KCNT2: variants seen among roughly 807,000 people sequenced by gnomAD.
KCNT2 encodes the protein potassium sodium-activated channel subfamily T member 2, also known as potassium channel subfamily T member 2.
KCNT2 carries 67 observed loss-of-function variants against 153.8 expected under a neutral mutation model. The ratio of observed to expected loss-of-function variants is 0.44; its 90% confidence interval spans 0.36 to 0.53. The LOEUF (loss-of-function observed/expected upper bound fraction) is 0.53, where lower values mean the gene tolerates loss of function less well. Ranked by LOEUF, KCNT2 falls within the 20% of genes least tolerant of loss-of-function variation. The pLI is 0.00. For missense variants in KCNT2, 975 were observed against 1,354.8 expected, an observed-to-expected ratio of 0.72 and a Z score of 4.40; for synonymous variants, 500 against 458.8, an observed-to-expected ratio of 1.09 and a Z score of -1.15.
intron 8 of KCNT2, among the ~76,000 whole-genome samples, chr1:196,461,923 T>C (rs1484577436): frequency 6.6e-6 from 1 of 151,676 alleles, no homozygotes; most frequent in Non-Finnish European, 1.5e-5. Context: ...TAAAAAACCA[T>C]GTAACAGCTT....
chr1:196,543,164 A>C (rs1297822455), intron 1 of KCNT2, among the ~76,000 whole-genome samples: 1 of 152,158 alleles, frequency 6.6e-6, no homozygotes, highest in Non-Finnish European at 1.5e-5. Flanking sequence ...AATTTACTAG[A>C]GTTAAGCTTT....
intron 5 of KCNT2, among the ~76,000 whole-genome samples, chr1:196,476,900 T>C (rs1056212469): frequency 6.6e-6 from 1 of 152,126 alleles, no homozygotes; most frequent in Admixed American, 6.5e-5. Flanking sequence ...TTGTATTCCA[T>C]TATAACTGAC....
chr1:196,290,270 A>T (rs1660066025), intron 22 of KCNT2, among the ~76,000 whole-genome samples: 1 of 151,994 alleles, frequency 6.6e-6, no homozygotes, highest in South Asian at 2.1e-4. Flanking sequence ...TGTTTGACAA[A>T]CTACATTCTA....
At chr1:196,486,580 G>C (rs1332969670) in intron 3 of KCNT2, among the ~76,000 whole-genome samples, 1 of 151,862 alleles carries the variant, frequency 6.6e-6, no homozygotes, top group African/African-American at 2.4e-5. Flanking sequence ...GAGGAGGTGG[G>C]AGTCAGGAGG....
chr1:196,426,757 C>T (rs1673687478), intron 10 of KCNT2, among the ~76,000 whole-genome samples: 1 of 151,598 alleles, frequency 6.6e-6, no homozygotes, highest in Non-Finnish European at 1.5e-5. Flanking sequence ...GTCCAAACCT[C>T]ATGTTAAATT....
At chr1:196,370,993 A>T (rs1010628358) in intron 14 of KCNT2, among the ~76,000 whole-genome samples, 3 of 152,042 alleles carry the variant, frequency 2.0e-5, no homozygotes, top group Non-Finnish European at 2.9e-5. Context: ...CAATGCACCC[A>T]AGTAACCAAC....
intron 13 of KCNT2, among the ~76,000 whole-genome samples, chr1:196,375,630 TTC>T (rs975357635): frequency 1.2e-4 from 18 of 151,728 alleles, no homozygotes; most frequent in African/African-American, 4.3e-4. Context: ...TTTCCATTTT[TTC>T]TCTTTCATAT....
chr1:196,373,092 GT>G (rs1293291840), intron 14 of KCNT2, 47 bp downstream of exon 14: 1 of 900,290 alleles, frequency 1.1e-6, no homozygotes, highest in Non-Finnish European at 1.8e-6. Flanking sequence ...TGCCCTTATT[GT>G]TTTTTATATA....
intron 22 of KCNT2, among the ~76,000 whole-genome samples, chr1:196,297,390 C>T (rs141694817): frequency 9.9e-5 from 15 of 152,082 alleles, no homozygotes; most frequent in African/African-American, 3.6e-4. Flanking sequence ...GACACATATG[C>T]AGCAGCTGTG....
intron 8 of KCNT2, among the ~76,000 whole-genome samples, chr1:196,440,912 C>T (rs775043256): frequency 6.6e-6 from 1 of 151,752 alleles, no homozygotes; most frequent in African/African-American, 2.4e-5. Context: ...AAATCTGAAC[C>T]TTGAGAACTC....
At chr1:196,230,484 C>G (rs554354263) in intron 27 of KCNT2, among the ~76,000 whole-genome samples, 8 of 152,152 alleles carry the variant, frequency 5.3e-5, no homozygotes, top group Non-Finnish European at 1.2e-4. Context: ...TTGTATCATT[C>G]TTGCTAACAC....
At chr1:196,310,248 G>A (rs1662034877) in intron 21 of KCNT2, among the ~76,000 whole-genome samples, 1 of 151,646 alleles carries the variant, frequency 6.6e-6, no homozygotes, top group Admixed American at 6.6e-5. Flanking sequence ...TAATTAACAG[G>A]GGGTATACAT....
intron 13 of KCNT2, among the ~76,000 whole-genome samples, chr1:196,390,432 G>A (rs1175850818): frequency 2.6e-5 from 4 of 151,390 alleles, no homozygotes; most frequent in African/African-American, 9.7e-5. Flanking sequence ...ATCTCCCTTG[G>A]TTGCTGCAGT....
At chr1:196,233,378 T>C (rs1332886151) in intron 27 of KCNT2, among the ~76,000 whole-genome samples, 1 of 151,436 alleles carries the variant, frequency 6.6e-6, no homozygotes, top group Non-Finnish European at 1.5e-5. Flanking sequence ...TGGGGTCAGA[T>C]TTACTCCTGC....
At chr1:196,514,182 C>A (rs1435176013) in intron 1 of KCNT2, among the ~76,000 whole-genome samples, 1 of 152,188 alleles carries the variant, frequency 6.6e-6, no homozygotes, top group Non-Finnish European at 1.5e-5. Flanking sequence ...CAGAACCCAA[C>A]ACAGGGCCAG....
intron 8 of KCNT2, among the ~76,000 whole-genome samples, chr1:196,433,686 A>T (rs543131930): frequency 1.3e-5 from 2 of 152,254 alleles, no homozygotes; most frequent in East Asian, 3.9e-4. Flanking sequence ...TGGCTCAATT[A>T]TGACAACCAT....
intron 1 of KCNT2, among the ~76,000 whole-genome samples, chr1:196,558,550 T>G (rs937748871): frequency 1.3e-5 from 2 of 151,392 alleles, no homozygotes; most frequent in African/African-American, 4.8e-5. Context: ...TTTACAAGAA[T>G]GTCTAGTGTC....
At chr1:196,353,096 C>T (rs1666875140) in intron 14 of KCNT2, among the ~76,000 whole-genome samples, 1 of 151,900 alleles carries the variant, frequency 6.6e-6, no homozygotes, top group Non-Finnish European at 1.5e-5. Flanking sequence ...GAAACTCACG[C>T]GCAAGAGTAT....
intron 9 of KCNT2, 112 bp downstream of exon 9, chr1:196,429,465 G>T: frequency 1.8e-6 from 1 of 564,958 alleles, no homozygotes; most frequent in Non-Finnish European, 3.1e-6. Flanking sequence ...GATAGTATGT[G>T]TTAGTAAATT....
Sources: gnomAD v4.1 joint callset for allele counts (sites outside exome capture counted in the v4.1 genomes callset) on GRCh38, gnomAD v4.1.1 for gene constraint, MANE v1.5 for transcripts, NCBI Gene and HGNC (gene_info 2026-07-23, HGNC 2026-07-21) for gene names.